SLC27A1: variants seen among roughly 807,000 people sequenced by gnomAD.
The protein encoded by SLC27A1 is long-chain fatty acid transport protein 1.
SLC27A1 carries 61 observed loss-of-function variants against 62.2 expected under a neutral mutation model. That is an observed-to-expected ratio of 0.98 (90% CI 0.80 to 1.21). SLC27A1 has a LOEUF of 1.21. Among genes scored for constraint, SLC27A1 ranks in the 50% most tolerant of loss-of-function variants. The pLI is 0.00. For synonymous variants in SLC27A1, 435 were observed against 408.6 expected (o/e 1.06, Z -0.78); for missense variants, 903 against 932.1 (o/e 0.97, Z 0.41).
intron 2 of SLC27A1, 57 bp from the exon 3 acceptor site, chr19:17,487,117 G>A: frequency 6.2e-7 from 1 of 1,609,988 alleles, no homozygotes. Flanking sequence ...GTGCATCCCA[G>A]GCCTCGGGAG....
intron 1 of SLC27A1, among the ~76,000 whole-genome samples, chr19:17,480,606 G>A (rs1349774780): frequency 7.8e-6 from 1 of 128,622 alleles, no homozygotes; most frequent in African/African-American, 3.0e-5. Context: ...TCAAACTCCT[G>A]AGCTCAAGTG....
intron 1 of SLC27A1, among the ~76,000 whole-genome samples, chr19:17,476,268 G>T (rs1200944365): frequency 6.6e-6 from 1 of 152,158 alleles, no homozygotes; most frequent in Non-Finnish European, 1.5e-5. Flanking sequence ...GGGCATGGTG[G>T]CTCATGCCTG....
intron 1 of SLC27A1, among the ~76,000 whole-genome samples, chr19:17,483,108 G>A (rs9797546): frequency 0.8 from 121,743 of 151,974 alleles, 50,053 homozygotes; most frequent in Non-Finnish European, 0.92. Flanking sequence ...GAATGAATGA[G>A]GGAATGAGGG....
At chr19:17,498,060 C>G (rs914964453) in intron 7 of SLC27A1, 1 of 156,344 alleles carries the variant, frequency 6.4e-6, no homozygotes, top group South Asian at 1.8e-4. Context: ...AAGAACAGAC[C>G]GTAATAATGA....
rs753501799 is a variant in SLC27A1, at chr19:17,500,625, CCT to C, written c.1468_1469del (p.Ser490ArgfsTer2). The C allele has an allele frequency of 9.9e-6, 16 of 1,613,854 alleles. No homozygotes were observed. The highest frequency in any genetic ancestry group is 1.4e-5 in the Non-Finnish European group (16 of 1,179,978). On this transcript the variant is annotated frameshift_variant, in exon 9 of 12. Transcript: ENST00000252595. LOFTEE classifies it high-confidence loss of function. Reference protein sequence around the residue: ...SVFSKGDSAYLSGDVLVMDEL... With the variant: ...SVFSKGDSAYXSGDVLVMDEL... ...TCTTCAGCAAGGGCGACAGCGCCTA[CCT>C]CTCAGGTGCGCAGCCTGCTAGGCCC...
At chr19:17,473,092 C>G (rs2075092100) in intron 1 of SLC27A1, among the ~76,000 whole-genome samples, 2 of 152,180 alleles carry the variant, frequency 1.3e-5, no homozygotes, top group African/African-American at 4.8e-5. Context: ...ACCACCACAC[C>G]TGGCTAATTT....
upstream of SLC27A1, among the ~76,000 whole-genome samples, chr19:17,469,285 C>A (rs2144527888): frequency 6.6e-6 from 1 of 152,232 alleles, no homozygotes; most frequent in Admixed American, 6.5e-5. Context: ...TCTGAGGCCC[C>A]AATGGTGTGA....
At position 17,505,017 on chromosome 19, in the gene SLC27A1, CTGAGTAGCTGGGATT is replaced by C. The variant is rs2075463115; in HGVS notation, c.*406_*420del. On this transcript the variant is annotated 3_prime_UTR_variant, in exon 12 of 12. Transcript: ENST00000252595. ...CAAGTGATCCTCCCACCTCAGCCTC[CTGAGTAGCTGGGATT>C]ACAGGCACCCGCCACCACGTCCAGC... 3 of 366,448 alleles carry C rather than the reference CTGAGTAGCTGGGATT, an allele frequency of 8.2e-6. No individual in the cohort carries two copies. In the Admixed American group the frequency reaches 1.1e-4, roughly 13 times the overall value. The allele number at this position is 366,448 out of a possible 1,614,324, so 22.7% of individuals were successfully genotyped here. A position where few individuals can be genotyped will look rare whatever the true frequency, so the allele number is the denominator to read the frequency against.
chr19:17,480,693 T>C (rs1185686407), intron 1 of SLC27A1, among the ~76,000 whole-genome samples: 2 of 151,950 alleles, frequency 1.3e-5, no homozygotes, highest in East Asian at 3.9e-4. Flanking sequence ...TTTTAAAAAT[T>C]TTAATTTTAG....
At position 17,487,481 on chromosome 19, in the gene SLC27A1, C is replaced by T. The variant is rs772534830; in HGVS notation, c.746C>T (p.Thr249Met). 12 of 1,603,882 alleles carry T rather than the reference C, an allele frequency of 7.5e-6. No homozygotes were observed. Among genetic ancestry groups the T allele is most frequent in the South Asian group, 1.1e-5 (1 of 90,730 alleles). ...GCAGATCGTCTTTTCTACATCTACA[C>T]GTCGGGGACCACCGGGCTGCCCAAG... ...GMDDRLFYIY[T>M]SGTTGLPKAA... is the part of the protein sequence containing the mutation. Residue 249 changes from threonine to methionine, a missense_variant, in exon 4 of 12, where the codon ACG becomes ATG. Coordinates refer to ENST00000252595, the MANE Select transcript of SLC27A1 (RefSeq NM_198580.3).
Position 17,486,746 on chromosome 19 carries a change from C to G in SLC27A1, c.351C>G (p.Ala117=). 6.2e-7 allele frequency: 1 copy of G among 1,610,188 alleles called. No homozygotes were observed. Among genetic ancestry groups the G allele is most frequent in the African/African-American group, 1.3e-5 (1 of 74,990 alleles). The change falls in exon 2 of 12, where the codon GCC becomes GCG. Residue 117 remains alanine (A), a synonymous_variant. Transcript: ENST00000252595. The surrounding 1 kb of genome is among the most constrained non-coding windows in gnomAD (Gnocchi z 6.6). ...TGGACGCCTACTCCAATGCGGTAGC[C>G]AACCTCTTCCGCCAGCTGGGCTTCG... ...AQLDAYSNAV[A]NLFRQLGFAP... is the part of the protein sequence containing the mutation.
intron 7 of SLC27A1, chr19:17,500,013 G>T: frequency 1.9e-6 from 1 of 522,142 alleles, no homozygotes; most frequent in Non-Finnish European, 3.4e-6. Context: ...TCTACTTCCT[G>T]CCAGCATGGA....
intron 1 of SLC27A1, among the ~76,000 whole-genome samples, chr19:17,481,600 C>T (rs2075179070): frequency 6.6e-6 from 1 of 152,148 alleles, no homozygotes; most frequent in Non-Finnish European, 1.5e-5. Flanking sequence ...ACTTCCTGGG[C>T]TCAAGCGATC....
At chr19:17,476,735 G>A (rs961464297) in intron 1 of SLC27A1, among the ~76,000 whole-genome samples, 2 of 151,916 alleles carry the variant, frequency 1.3e-5, no homozygotes, top group African/African-American at 4.8e-5. Flanking sequence ...CTGTGACCTT[G>A]GGCGTGTCCA....
rs186891527 is a variant in SLC27A1, at chr19:17,472,878, T to G, written c.167+2171T>G. Among the ~76,000 whole-genome samples, 412 of 152,122 alleles carry G rather than the reference T, an allele frequency of 2.7e-3. 3 individuals carry two copies. The highest frequency in any genetic ancestry group is 9.2e-3 in the African/African-American group (381 of 41,506). ...CTCTGTTGCCCAGGGTGGACCAGCC[T>G]CCATCTCCTGGGCTCAAGCAATCCT... On this transcript the variant is annotated intron_variant, in intron 1 of 11. Coordinates refer to ENST00000252595, the MANE Select transcript of SLC27A1 (RefSeq NM_198580.3).
At chr19:17,476,319 T>C (rs1412203613) in intron 1 of SLC27A1, among the ~76,000 whole-genome samples, 1 of 152,200 alleles carries the variant, frequency 6.6e-6, no homozygotes, top group East Asian at 1.9e-4. Context: ...GCTGATCACC[T>C]GAGGTCAGGA....
At chr19:17,490,644 T>A (rs1446820462) in intron 6 of SLC27A1, among the ~76,000 whole-genome samples, 10 of 152,272 alleles carry the variant, frequency 6.6e-5, no homozygotes, top group Non-Finnish European at 2.9e-5. Context: ...GGCATCATGT[T>A]TCCTGTGTAG....
At chr19:17,489,231 A>C (rs1292963745) in intron 6 of SLC27A1, 114 bp downstream of exon 6, 15 of 809,066 alleles carry the variant, frequency 1.9e-5, no homozygotes, top group Admixed American at 4.9e-5. Context: ...GCAAAGCCCC[A>C]CCTCCTCCTG....
At chr19:17,487,002 G>A (rs1028624594) in intron 2 of SLC27A1, 45 bp downstream of exon 2, 1 of 1,540,070 alleles carries the variant, frequency 6.5e-7, no homozygotes, top group Admixed American at 1.9e-5. Flanking sequence ...CCCAGGACTG[G>A]CCCCTGGGCG....
Sources: gnomAD v4.1 joint callset for allele counts (sites outside exome capture counted in the v4.1 genomes callset) on GRCh38, gnomAD v4.1.1 for gene constraint, Gnocchi (gnomAD v3.1) non-coding constraint, MANE v1.5 for transcripts, NCBI Gene and HGNC (gene_info 2026-07-23, HGNC 2026-07-21) for gene names.